Variants in NCOR2 observed in about 807,000 individuals in gnomAD.
NCOR2 encodes the protein CTG repeat protein 26.
In NCOR2, 81 loss-of-function variants were observed where a neutral mutation model predicts 262.9. The observed-to-expected ratio is 0.31, with a 90% CI of 0.26 to 0.37. The LOEUF (loss-of-function observed/expected upper bound fraction) is 0.37, where lower values mean the gene tolerates loss of function less well. Ranked by LOEUF, NCOR2 falls within the 10% of genes least tolerant of loss-of-function variation. The pLI, the probability that NCOR2 is intolerant of heterozygous loss-of-function variation, is 1.00. For missense variants in NCOR2, 3,385 were observed against 3,621.4 expected (o/e 0.93, Z 1.68); for synonymous variants, 1,659 against 1,559.3 (o/e 1.06, Z -1.51).
chr12:124,332,209 C>T (rs2035258526), intron 43 of NCOR2, 110 bp downstream of exon 45: 2 of 1,398,782 alleles, frequency 1.4e-6, no homozygotes, highest in East Asian at 4.6e-5. Flanking sequence ...GGCCACTTAG[C>T]TTTCGAAGGT....
chr12:124,403,845 G>A (rs1413291175), intron 13 of NCOR2, among the ~76,000 whole-genome samples: 1 of 152,192 alleles, frequency 6.6e-6, no homozygotes, highest in Non-Finnish European at 1.5e-5. Flanking sequence ...AGGCAACCGT[G>A]GGCTCCCTGA....
At chr12:124,395,613 G>A (rs571293730) in intron 16 of NCOR2, among the ~76,000 whole-genome samples, 7 of 152,268 alleles carry the variant, frequency 4.6e-5, no homozygotes, top group Admixed American at 1.3e-4. Context: ...ATCCCCAGCC[G>A]TCCTCCCAGC....
intron 40 of NCOR2, 21 bp from the exon 43 acceptor site, chr12:124,334,638 C>T: frequency 7.5e-7 from 1 of 1,340,506 alleles, no homozygotes. Flanking sequence ...GTGGGGGGGC[C>T]CAGAGTCAGG....
chr12:124,325,983 T>G, intron 46 of NCOR2: 1 of 531,354 alleles, frequency 1.9e-6, no homozygotes, highest in South Asian at 4.1e-5. Context: ...AACCACACCC[T>G]TTTCCTCTGC....
chr12:124,478,712 GAGAC>G (rs1027896046), intron 3 of NCOR2, among the ~76,000 whole-genome samples: 2 of 152,128 alleles, frequency 1.3e-5, no homozygotes, highest in African/African-American at 4.8e-5. Flanking sequence ...AGAGGAGAGA[GAGAC>G]AGACACAGAG....
intron 46 of NCOR2, 33 bp downstream of exon 48, chr12:124,326,158 G>T: frequency 6.9e-7 from 1 of 1,458,990 alleles, no homozygotes; most frequent in Non-Finnish European, 9.0e-7. Context: ...TGGGGGCTCA[G>T]CGAGCCCAGC....
chr12:124,360,195 C>T (rs981482532), intron 22 of NCOR2, among the ~76,000 whole-genome samples: 3 of 152,212 alleles, frequency 2.0e-5, no homozygotes, highest in Non-Finnish European at 4.4e-5. Flanking sequence ...CCTTCCCGGG[C>T]TGGCGCCCCA....
At chr12:124,363,332 C>G (rs1234718041) in intron 21 of NCOR2, among the ~76,000 whole-genome samples, 1 of 152,226 alleles carries the variant, frequency 6.6e-6, no homozygotes, top group Non-Finnish European at 1.5e-5. Flanking sequence ...AGGATCAGAA[C>G]TGGTAGGCCA....
chr12:124,515,592 T>A (rs990622215), intron 1 of NCOR2, among the ~76,000 whole-genome samples: 3 of 152,032 alleles, frequency 2.0e-5, no homozygotes, highest in Non-Finnish European at 2.9e-5. Context: ...TGCGCATGTA[T>A]CTGTGTGGGT....
At chr12:124,385,969 C>A in intron 16 of NCOR2, 82 bp from the exon 19 acceptor site, 1 of 1,518,848 alleles carries the variant, frequency 6.6e-7, no homozygotes, top group East Asian at 2.3e-5. Context: ...GGGCGGCAAA[C>A]GGGCCTGGAG....
Position 124,383,512 on chromosome 12 carries a change from G to A in NCOR2, c.2019+2233C>T, listed in dbSNP as rs145211463. 1.3e-5 allele frequency: 12 copies of A among 890,598 alleles called. No homozygotes were observed. In the African/African-American group the frequency reaches 2.2e-4, roughly 16 times the overall value. The allele number at this position is 890,598 out of a possible 1,614,324, so 55.2% of individuals were successfully genotyped here. A position where few individuals can be genotyped will look rare whatever the true frequency, so the allele number is the denominator to read the frequency against. ...GCTCATACCTCCCACAAATCTCCTA[G>A]TCTAATAAAACCTTCCAACTCAAAA... On this transcript the variant is annotated intron_variant, in intron 17 of 46. Transcript: ENST00000405201.
At chr12:124,328,756 G>C (rs1005804741) in intron 44 of NCOR2, 3 of 180,758 alleles carry the variant, frequency 1.7e-5, no homozygotes, top group African/African-American at 7.1e-5. Context: ...CCGACCACTC[G>C]CTCCTTTGTA....
At chr12:124,388,885 GGAGGGAGGGAGC>G (rs2041044958) in intron 16 of NCOR2, 2 of 552,194 alleles carry the variant, frequency 3.6e-6, no homozygotes, top group Non-Finnish European at 5.6e-6. Flanking sequence ...AGGGAGGGAG[GGAGGGAGGGAGC>G]GAGGGAGGGA....
At chr12:124,546,705 G>A (rs1269694108) in intron 1 of NCOR2, among the ~76,000 whole-genome samples, 3 of 151,602 alleles carry the variant, frequency 2.0e-5, no homozygotes, top group Non-Finnish European at 2.9e-5. Flanking sequence ...GAGCCACCGC[G>A]CCCAGCCAAT....
chr12:124,403,158 G>A (rs747103968), intron 13 of NCOR2, among the ~76,000 whole-genome samples: 8 of 152,118 alleles, frequency 5.3e-5, no homozygotes, highest in Non-Finnish European at 8.8e-5. Context: ...TCTAAGCCTC[G>A]GTCTCCGAGT....
chr12:124,547,941 A>T (rs1410304453), intron 1 of NCOR2, among the ~76,000 whole-genome samples: 1 of 152,256 alleles, frequency 6.6e-6, no homozygotes, highest in Non-Finnish European at 1.5e-5. Context: ...ACATATTCAT[A>T]TATATAACAA....
Position 124,328,283 on chromosome 12 carries a change from T to C in NCOR2, c.6959-650A>G, listed in dbSNP as rs116623787. On this transcript the variant is annotated intron_variant, in intron 44 of 46. Coordinates refer to ENST00000405201, the Ensembl canonical transcript of NCOR2. Reference sequence around the variant, plus strand: ...TCTGCCTCTCCCCACCCAGGAGCCATGAGGAGAAAGAGGTGCAGAGACGGA... The same window carrying C: ...TCTGCCTCTCCCCACCCAGGAGCCACGAGGAGAAAGAGGTGCAGAGACGGA... Among the ~76,000 whole-genome samples the C allele has an allele frequency of 9.3e-3, 1,420 of 151,950 alleles. 21 individuals are homozygous for C. Among genetic ancestry groups the C allele is most frequent in the African/African-American group, 0.032 (1,343 of 41,466 alleles).
rs910484370 is a variant in NCOR2, at chr12:124,334,913, G to C, written c.6411+222C>G. On this transcript the variant is annotated intron_variant, in intron 40 of 46. Coordinates refer to ENST00000405201, the Ensembl canonical transcript of NCOR2. ...TTGCCCGTGAAGATGCCATCGGCTCGCATCACAGGCTCCTCCCATGGATTA... is the reference window on the plus strand; with the variant it reads ...TTGCCCGTGAAGATGCCATCGGCTCCCATCACAGGCTCCTCCCATGGATTA... The C allele has an allele frequency of 9.0e-6, 6 of 665,748 alleles. No homozygotes were observed. The East Asian group carries it at 1.1e-4, about 12-fold the overall frequency. 41.2% of individuals were successfully genotyped at this position (665,748 alleles called of 1,614,324 possible).
chr12:124,564,065 A>T (rs1408889812), intron 1 of NCOR2, among the ~76,000 whole-genome samples: 1 of 152,248 alleles, frequency 6.6e-6, no homozygotes, highest in African/African-American at 2.4e-5. Context: ...AGAGTAAACA[A>T]GCAGATTTGC....
Sources: gnomAD v4.1 joint callset for allele counts (sites outside exome capture counted in the v4.1 genomes callset) on GRCh38, gnomAD v4.1.1 for gene constraint, MANE v1.5 for transcripts, NCBI Gene and HGNC (gene_info 2026-07-23, HGNC 2026-07-21) for gene names.